Variants in HECW1 observed in about 807,000 individuals in gnomAD.
HECW1 encodes the protein HECT, C2 and WW domain containing E3 ubiquitin protein ligase 1, also known as E3 ubiquitin-protein ligase HECW1.
Under a neutral mutation model 182.3 loss-of-function variants are expected in HECW1, and 61 were observed. The ratio of observed to expected loss-of-function variants is 0.33; its 90% confidence interval spans 0.27 to 0.41. The LOEUF is 0.41. Ranked by LOEUF, HECW1 falls within the 10% of genes least tolerant of loss-of-function variation. The pLI, the probability that HECW1 is intolerant of heterozygous loss-of-function variation, is 1.00. For missense variants in HECW1, 1,739 were observed against 2,108.9 expected, an observed-to-expected ratio of 0.82 and a Z score of 3.44; for synonymous variants, 859 against 832.6, an observed-to-expected ratio of 1.03 and a Z score of -0.55.
intron 3 of HECW1, among the ~76,000 whole-genome samples, chr7:43,298,063 A>T (rs1806264332): frequency 1.3e-5 from 2 of 152,160 alleles, no homozygotes; most frequent in South Asian, 2.1e-4. Context: ...ACAGGGTGAG[A>T]CCCTGTTTCT....
chr7:43,116,699 C>T (rs1179336248), intron 2 of HECW1, among the ~76,000 whole-genome samples: 3 of 152,182 alleles, frequency 2.0e-5, no homozygotes, highest in Non-Finnish European at 4.4e-5. Flanking sequence ...GTTGCAATAC[C>T]CACATGTCCT....
At chr7:43,465,048 C>A (rs1380734452) in intron 14 of HECW1, among the ~76,000 whole-genome samples, 1 of 152,014 alleles carries the variant, frequency 6.6e-6, no homozygotes, top group East Asian at 1.9e-4. Context: ...GTGATCCTCC[C>A]GCCTCAGCCT....
chr7:43,203,090 G>A (rs1795160130), intron 2 of HECW1, among the ~76,000 whole-genome samples: 1 of 152,160 alleles, frequency 6.6e-6, no homozygotes, highest in African/African-American at 2.4e-5. Context: ...TCACACGGAC[G>A]CGCGTGACAC....
chr7:43,295,113 G>A (rs1805874655), intron 3 of HECW1, among the ~76,000 whole-genome samples: 1 of 152,110 alleles, frequency 6.6e-6, no homozygotes, highest in South Asian at 2.1e-4. Flanking sequence ...TTATGCCTTA[G>A]TCTGGCTTAG....
intron 2 of HECW1, among the ~76,000 whole-genome samples, chr7:43,229,390 A>T (rs1447400303): frequency 6.6e-6 from 1 of 152,176 alleles, no homozygotes; most frequent in Admixed American, 6.5e-5. Flanking sequence ...AACCAAAGAC[A>T]GCATGTTCTC....
At chr7:43,324,570 A>G (rs1007622311) in intron 5 of HECW1, among the ~76,000 whole-genome samples, 3 of 152,196 alleles carry the variant, frequency 2.0e-5, no homozygotes, top group Non-Finnish European at 2.9e-5. Context: ...CTCTCTTGCT[A>G]TAATAAAAAT....
chr7:43,519,217 G>A (rs987374086), intron 24 of HECW1, among the ~76,000 whole-genome samples: 15 of 151,596 alleles, frequency 9.9e-5, no homozygotes, highest in African/African-American at 3.6e-4. Context: ...CAGAGGTAGG[G>A]AGCAATCACA....
intron 2 of HECW1, among the ~76,000 whole-genome samples, chr7:43,198,674 C>A (rs1488965795): frequency 6.7e-6 from 1 of 150,060 alleles, no homozygotes; most frequent in African/African-American, 2.5e-5. Flanking sequence ...CCCACACTCA[C>A]ACACACACCA....
intron 3 of HECW1, among the ~76,000 whole-genome samples, chr7:43,256,515 A>G (rs1800592736): frequency 6.6e-6 from 1 of 151,676 alleles, no homozygotes; most frequent in Admixed American, 6.6e-5. Flanking sequence ...AGGCTGAAGC[A>G]GGAGAATCGC....
intron 5 of HECW1, 97 bp from the exon 6 acceptor site, chr7:43,360,789 A>G: frequency 1.1e-6 from 1 of 878,142 alleles, no homozygotes; most frequent in Non-Finnish European, 1.9e-6. Context: ...TCGTGGGGGA[A>G]TTATGTTGCA....
chr7:43,167,012 G>A (rs1301714465), intron 2 of HECW1, among the ~76,000 whole-genome samples: 1 of 152,192 alleles, frequency 6.6e-6, no homozygotes, highest in African/African-American at 2.4e-5. Context: ...GACCAGAGTG[G>A]GATGTTTCCA....
At chr7:43,332,334 C>T (rs1452273450) in intron 5 of HECW1, among the ~76,000 whole-genome samples, 1 of 152,198 alleles carries the variant, frequency 6.6e-6, no homozygotes, top group Non-Finnish European at 1.5e-5. Flanking sequence ...CCTCTAAAGA[C>T]TTCAACAACC....
At chr7:43,206,728 C>T (rs1370090483) in intron 2 of HECW1, among the ~76,000 whole-genome samples, 5 of 152,166 alleles carry the variant, frequency 3.3e-5, no homozygotes, top group Admixed American at 2.6e-4. Context: ...ATTATTTTTA[C>T]ACTCGGTTCA....
intron 2 of HECW1, among the ~76,000 whole-genome samples, chr7:43,185,845 T>C (rs1377004259): frequency 6.6e-6 from 1 of 152,226 alleles, no homozygotes; most frequent in African/African-American, 2.4e-5. Context: ...TTAAGTTATA[T>C]AATTTAATTT....
intron 2 of HECW1, among the ~76,000 whole-genome samples, chr7:43,120,264 C>G (rs1282786909): frequency 6.6e-6 from 1 of 152,116 alleles, no homozygotes; most frequent in African/African-American, 2.4e-5. Flanking sequence ...GAGGGACGGT[C>G]CCCCAGCCAC....
At chr7:43,467,381 G>A (rs369064607) in intron 15 of HECW1, among the ~76,000 whole-genome samples, 93 of 152,256 alleles carry the variant, frequency 6.1e-4, no homozygotes, top group African/African-American at 1.3e-3. Context: ...GGATGCACCC[G>A]TGAGGAGGCC....
chr7:43,188,544 G>A (rs1037065078), intron 2 of HECW1, among the ~76,000 whole-genome samples: 1 of 152,174 alleles, frequency 6.6e-6, no homozygotes, highest in African/African-American at 2.4e-5. Context: ...GCACTGACTA[G>A]GTTCTGCTGT....
intron 2 of HECW1, among the ~76,000 whole-genome samples, chr7:43,241,754 A>G (rs1798909137): frequency 1.3e-5 from 2 of 152,106 alleles, no homozygotes; most frequent in Admixed American, 6.6e-5. Context: ...CCCAGCTCCC[A>G]GAGAATTCTG....
chr7:43,500,447 G>A (rs1029475277), intron 19 of HECW1, among the ~76,000 whole-genome samples: 6 of 152,068 alleles, frequency 3.9e-5, no homozygotes, highest in Admixed American at 6.6e-5. Flanking sequence ...ACTCCTGACT[G>A]TCTTAGCTAC....
Sources: allele counts gnomAD v4.1 joint callset (sites outside exome capture counted in the v4.1 genomes callset), GRCh38; gene constraint gnomAD v4.1.1; transcripts MANE v1.5; gene names NCBI Gene and HGNC (gene_info 2026-07-23, HGNC 2026-07-21).